RYK: variants seen among roughly 807,000 people sequenced by gnomAD.
RYK encodes inactive tyrosine-protein kinase RYK.
A neutral mutation model predicts 70.2 loss-of-function variants in RYK; 21 were observed. That is an observed-to-expected ratio of 0.30 (90% CI 0.21 to 0.43). The LOEUF (loss-of-function observed/expected upper bound fraction) is 0.43. Ranked by LOEUF, RYK falls within the 20% of genes least tolerant of loss-of-function variation. The pLI is 1.00. For missense variants in RYK, 604 were observed against 753.3 expected (o/e 0.80, Z 2.32); for synonymous variants, 267 against 278.0 (o/e 0.96, Z 0.39).
At position 134,243,571 on chromosome 3, in the gene RYK, T is replaced by C. The variant is rs370823624; in HGVS notation, c.232+6852A>G. On this transcript the variant is annotated intron_variant, in intron 1 of 14. Coordinates refer to ENST00000623711, the MANE Select transcript of RYK (RefSeq NM_002958.4). ...TCCAGCTTTATCCTGTGGCGCTCCA[T>C]GGCTTTGCTAATTTTTCACCTCAGC... Among the ~76,000 whole-genome samples the C allele has an allele frequency of 2.6e-3, 402 of 152,322 alleles. 1 individual carries two copies. Among genetic ancestry groups the C allele is most frequent in the African/African-American group, 8.5e-3 (355 of 41,582 alleles).
At chr3:134,207,095 C>A (rs1314911463) in intron 5 of RYK, among the ~76,000 whole-genome samples, 2 of 152,136 alleles carry the variant, frequency 1.3e-5, no homozygotes, top group African/African-American at 4.8e-5. Flanking sequence ...TAAGCTTACA[C>A]CTTCACCTGG....
chr3:134,191,409 A>G (rs1304017727), intron 8 of RYK, among the ~76,000 whole-genome samples: 1 of 152,184 alleles, frequency 6.6e-6, no homozygotes, highest in Non-Finnish European at 1.5e-5. Flanking sequence ...ACATTACGTG[A>G]TTTCTCCAAA....
At chr3:134,172,797 A>T (rs886861769) in intron 13 of RYK, among the ~76,000 whole-genome samples, 1 of 152,216 alleles carries the variant, frequency 6.6e-6, no homozygotes, top group Non-Finnish European at 1.5e-5. Context: ...GGAAAAACAG[A>T]CCAGGACTAG....
rs572667190 is a variant in RYK at position 134,208,265 on chromosome 3, G to A, written c.590-740C>T. Among the ~76,000 whole-genome samples, 44 of 152,274 alleles carry A rather than the reference G, an allele frequency of 2.9e-4. 1 individual carries two copies. The South Asian group carries it at 8.9e-3, about 31-fold the overall frequency. ...GGGATCCAGAGGCCACACCATGTCT[G>A]GTTATCATTCTGCCTTACTTAAGAG... On this transcript the variant is annotated intron_variant, in intron 4 of 14. Transcript: ENST00000623711.
intron 10 of RYK, chr3:134,181,462 TTC>T (rs1178876759): frequency 6.6e-6 from 1 of 152,202 alleles, no homozygotes; most frequent in African/African-American, 2.4e-5. Flanking sequence ...AAAACTCAGT[TTC>T]TTTTTCATTA....
At chr3:134,186,707 T>C (rs746490715) in intron 9 of RYK, among the ~76,000 whole-genome samples, 20 of 152,234 alleles carry the variant, frequency 1.3e-4, no homozygotes, top group Non-Finnish European at 2.1e-4. Flanking sequence ...AGTCCAAGTA[T>C]ACTCATTGTG....
chr3:134,170,031 A>T (rs948511129), intron 13 of RYK, among the ~76,000 whole-genome samples: 1 of 152,192 alleles, frequency 6.6e-6, no homozygotes, highest in African/African-American at 2.4e-5. Flanking sequence ...ATTCAATCCC[A>T]AAAAACTAAA....
At chr3:134,162,069 C>T (rs923391227) in intron 13 of RYK, among the ~76,000 whole-genome samples, 1 of 152,140 alleles carries the variant, frequency 6.6e-6, no homozygotes, top group Non-Finnish European at 1.5e-5. Flanking sequence ...GCAGTCCCTG[C>T]CTCTATCTTC....
chr3:134,182,623 T>C (rs112447361), intron 10 of RYK, among the ~76,000 whole-genome samples: 135 of 152,258 alleles, frequency 8.9e-4, no homozygotes, highest in African/African-American at 3.1e-3. Context: ...TTTATTCATG[T>C]TTATTATACT....
intron 10 of RYK, chr3:134,181,329 T>C (rs192898023): frequency 6.6e-6 from 1 of 152,366 alleles, no homozygotes; most frequent in East Asian, 1.9e-4. Flanking sequence ...TATCAACTTT[T>C]AGTGTTTCCT....
chr3:134,194,122 A>G (rs544481160), intron 7 of RYK, among the ~76,000 whole-genome samples: 1 of 152,334 alleles, frequency 6.6e-6, no homozygotes, highest in South Asian at 2.1e-4. Flanking sequence ...TTCTAATTAT[A>G]TAATTTCTTC....
At chr3:134,225,022 G>A (rs1005454611) in intron 1 of RYK, among the ~76,000 whole-genome samples, 5 of 151,842 alleles carry the variant, frequency 3.3e-5, no homozygotes, top group East Asian at 1.9e-4. Context: ...CTCTTGCCCC[G>A]GCACCTGGGT....
intron 1 of RYK, among the ~76,000 whole-genome samples, chr3:134,244,876 T>C (rs1482885167): frequency 6.6e-6 from 1 of 152,190 alleles, no homozygotes; most frequent in Non-Finnish European, 1.5e-5. Context: ...GCAGTCCTCA[T>C]GAATGGGATT....
chr3:134,205,619 C>G (rs2107676663), intron 5 of RYK, among the ~76,000 whole-genome samples: 1 of 152,270 alleles, frequency 6.6e-6, no homozygotes, highest in South Asian at 2.1e-4. Context: ...CAATTACCTC[C>G]AAATTCCAGG....
intron 11 of RYK, 118 bp downstream of exon 11, chr3:134,177,823 T>C: frequency 1.2e-6 from 1 of 818,048 alleles, no homozygotes; most frequent in East Asian, 2.7e-5. Flanking sequence ...TGGTTCATTT[T>C]GAGGTTCTTT....
At chr3:134,219,154 C>T (rs1338092960) in intron 2 of RYK, among the ~76,000 whole-genome samples, 1 of 152,120 alleles carries the variant, frequency 6.6e-6, no homozygotes, top group Non-Finnish European at 1.5e-5. Context: ...CAAGGCTTCT[C>T]CTAACCCAAA....
chr3:134,179,892 C>T (rs2013234221), intron 10 of RYK: 1 of 152,178 alleles, frequency 6.6e-6, no homozygotes, highest in Admixed American at 6.5e-5. Context: ...TATTCCACTA[C>T]CACAGGATTA....
At chr3:134,237,560 A>G (rs2015226008) in intron 1 of RYK, among the ~76,000 whole-genome samples, 1 of 152,220 alleles carries the variant, frequency 6.6e-6, no homozygotes, top group Non-Finnish European at 1.5e-5. Flanking sequence ...AGGCAAAAAA[A>G]CAAAAGTGAT....
chr3:134,161,952 G>A (rs2012486974), intron 13 of RYK, among the ~76,000 whole-genome samples: 1 of 152,148 alleles, frequency 6.6e-6, no homozygotes, highest in South Asian at 2.1e-4. Context: ...GTGTCAGCGT[G>A]GCTGTGCTTC....
Sources: gnomAD v4.1 joint callset for allele counts (sites outside exome capture counted in the v4.1 genomes callset) on GRCh38, gnomAD v4.1.1 for gene constraint, MANE v1.5 for transcripts, NCBI Gene and HGNC (gene_info 2026-07-23, HGNC 2026-07-21) for gene names.